The following PRELID2 variants were observed in gnomAD, a reference collection of about 807,000 sequenced individuals.
PRELID2 encodes PRELI domain-containing protein 2.
In PRELID2, 25 loss-of-function variants were observed where a neutral mutation model predicts 28.4. The ratio of observed to expected loss-of-function variants is 0.88; its 90% CI spans 0.64 to 1.23. The LOEUF is 1.23. PRELID2 is among the 50% of genes most tolerant of loss of function. PRELID2 has a pLI of 0.00. For missense variants in PRELID2, 201 were observed against 214.4 expected (o/e 0.94, Z 0.39); for synonymous variants, 76 against 71.6 (o/e 1.06, Z -0.31).
chr5:145,732,921 C>T (rs908032374), intron 1 of PRELID2, among the ~76,000 whole-genome samples: 3 of 151,660 alleles, frequency 2.0e-5, no homozygotes, highest in Admixed American at 6.6e-5. Flanking sequence ...AGAATAATAA[C>T]TCAACTCTTC....
chr5:145,337,686 A>AACAT, the PRELID2 span, among the ~76,000 whole-genome samples: 3 of 79,868 alleles, frequency 3.8e-5, no homozygotes, highest in African/African-American at 1.5e-4. Flanking sequence ...GCATAGGGCA[A>AACAT]ATATATATAT....
chr5:145,339,535 G>A, the PRELID2 span, among the ~76,000 whole-genome samples: 1 of 152,168 alleles, frequency 6.6e-6, no homozygotes, highest in Admixed American at 6.5e-5. Context: ...AGGTATCTGA[G>A]CAGCTGCATC....
At chr5:145,694,999 C>A (rs1367516872) in intron 1 of PRELID2, among the ~76,000 whole-genome samples, 1 of 152,182 alleles carries the variant, frequency 6.6e-6, no homozygotes, top group Non-Finnish European at 1.5e-5. Flanking sequence ...ACACTTAGAA[C>A]ATGTCAGGTC....
At chr5:145,729,308 G>T (rs113221664) in intron 1 of PRELID2, 15 of 995,826 alleles carry the variant, frequency 1.5e-5, no homozygotes, top group Admixed American at 1.4e-4. Context: ...ATTCCTTGGG[G>T]CCTTGAGTCC....
intron 1 of PRELID2, among the ~76,000 whole-genome samples, chr5:145,580,583 T>C (rs1753099953): frequency 6.6e-6 from 1 of 152,044 alleles, no homozygotes; most frequent in Non-Finnish European, 1.5e-5. Context: ...CTCAAGAGAA[T>C]GCATTTGTAA....
intron 1 of PRELID2, among the ~76,000 whole-genome samples, chr5:145,732,971 T>C (rs548222895): frequency 6.6e-5 from 10 of 151,340 alleles, no homozygotes; most frequent in Non-Finnish European, 1.5e-4. Context: ...ACATTATTTG[T>C]ATAGGTGTTT....
rs1757607631 is a variant in PRELID2, at chr5:145,764,095, A to T, written c.*10+836T>A. 1.3e-5 allele frequency among the ~76,000 whole-genome samples: 2 copies of T among 152,198 alleles called. 1 individual carries two copies. Among genetic ancestry groups the T allele is most frequent in the South Asian group, 4.1e-4 (2 of 4,820 alleles). ...GCAATAGAGCAAGACTCCATCTCAA[A>T]CAAACAAAAACAAAAAAACCTAAGG... On this transcript the variant is annotated intron_variant, in intron 6 of 6. Transcript: ENST00000683046.
chr5:145,362,036 T>C, the PRELID2 span, among the ~76,000 whole-genome samples: 1 of 152,178 alleles, frequency 6.6e-6, no homozygotes, highest in Non-Finnish European at 1.5e-5. Flanking sequence ...GATGATATGT[T>C]TATGGCAGCA....
chr5:145,471,364 GC>G (rs1340321937), downstream of PRELID2, among the ~76,000 whole-genome samples: 1 of 152,058 alleles, frequency 6.6e-6, no homozygotes, highest in Non-Finnish European at 1.5e-5. Flanking sequence ...AAATTAGCTG[GC>G]AGTCAAAACC....
chr5:145,249,250 T>A, the PRELID2 span, among the ~76,000 whole-genome samples: 6 of 152,168 alleles, frequency 3.9e-5, no homozygotes, highest in Non-Finnish European at 5.9e-5. Context: ...GCACACAAGC[T>A]CTTGTTAGTC....
At chr5:145,359,203 T>G in the PRELID2 span, among the ~76,000 whole-genome samples, 1 of 152,212 alleles carries the variant, frequency 6.6e-6, no homozygotes, top group African/African-American at 2.4e-5. Context: ...TTATTGCAAG[T>G]ATTCACTCCA....
At chr5:145,255,490 T>C in the PRELID2 span, among the ~76,000 whole-genome samples, 1 of 152,144 alleles carries the variant, frequency 6.6e-6, no homozygotes, top group African/African-American at 2.4e-5. Flanking sequence ...AAAGAAATTA[T>C]TGGCTCGGTG....
chr5:145,489,387 T>C (rs1752248308), intron 1 of PRELID2, among the ~76,000 whole-genome samples: 1 of 152,200 alleles, frequency 6.6e-6, no homozygotes, highest in African/African-American at 2.4e-5. Context: ...ACTGTTAATA[T>C]TAAAAATAGT....
At chr5:145,551,744 C>A (rs1752837206) in intron 1 of PRELID2, among the ~76,000 whole-genome samples, 1 of 152,130 alleles carries the variant, frequency 6.6e-6, no homozygotes, top group African/African-American at 2.4e-5. Flanking sequence ...AATAAAGAGA[C>A]TCTTTACAAA....
At chr5:145,486,600 C>T (rs1752220910) in intron 1 of PRELID2, among the ~76,000 whole-genome samples, 1 of 152,046 alleles carries the variant, frequency 6.6e-6, no homozygotes, top group Non-Finnish European at 1.5e-5. Flanking sequence ...TCAGTCTGGG[C>T]ACATGTAGAA....
At chr5:145,598,933 T>C (rs1435843718) in intron 1 of PRELID2, among the ~76,000 whole-genome samples, 1 of 152,148 alleles carries the variant, frequency 6.6e-6, no homozygotes, top group Non-Finnish European at 1.5e-5. Flanking sequence ...AGAGTTCTGG[T>C]TCCACTGGTG....
chr5:145,269,049 A>G, the PRELID2 span, among the ~76,000 whole-genome samples: 1 of 152,112 alleles, frequency 6.6e-6, no homozygotes, highest in Admixed American at 6.6e-5. Context: ...AAATAGAAAG[A>G]TATGCCACTT....
In PRELID2 at chr5:145,604,759, T is replaced by G. The variant is rs954173671; in HGVS notation, n.71-131444A>C. ...ATCTGTTTTTTTTGGTTTTTTTTTTTTTTTTTTTTTACTTTTTAGTAAAAG... is the reference window on the plus strand; with the variant it reads ...ATCTGTTTTTTTTGGTTTTTTTTTTGTTTTTTTTTTACTTTTTAGTAAAAG... On this transcript the variant is annotated intron_variant and non_coding_transcript_variant, in intron 1 of 2. Coordinates refer to the PRELID2 transcript ENST00000510259. Among the ~76,000 whole-genome samples, 6 of 147,844 alleles carry G rather than the reference T, an allele frequency of 4.1e-5. No homozygotes were observed. In the East Asian group the frequency reaches 7.9e-4, roughly 19 times the overall value.
chr5:145,437,240 T>C, the PRELID2 span: 1 of 152,192 alleles, frequency 6.6e-6, no homozygotes, highest in Admixed American at 6.5e-5. Context: ...TGGTAAGTGA[T>C]GGTTGTCATC....
Sources: gnomAD v4.1 joint callset for allele counts (sites outside exome capture counted in the v4.1 genomes callset) on GRCh38, gnomAD v4.1.1 for gene constraint, MANE v1.5 for transcripts, NCBI Gene and HGNC (gene_info 2026-07-23, HGNC 2026-07-21) for gene names.